The following TJP3 variants were observed in gnomAD, a reference collection of about 807,000 sequenced individuals.
TJP3 encodes tight junction protein ZO-3.
TJP3 carries 85 observed loss-of-function variants against 104.2 expected under a neutral mutation model. The ratio of observed to expected loss-of-function variants is 0.82; its 90% CI spans 0.68 to 0.98. TJP3 has a LOEUF of 0.98. TJP3 is among the 50% of genes least tolerant of loss of function. The pLI, the probability that TJP3 is intolerant of heterozygous loss-of-function variation, is 0.00. For synonymous variants in TJP3, 550 were observed against 550.6 expected (o/e 1.00, Z 0.02); for missense variants, 1,367 against 1,322.8 (o/e 1.03, Z -0.52).
intron 1 of TJP3, among the ~76,000 whole-genome samples, chr19:3,722,797 A>G (rs908341545): frequency 6.1e-5 from 8 of 132,156 alleles, no homozygotes; most frequent in Admixed American, 1.9e-4. Context: ...CCCCTCCCCA[A>G]TCGGTGTATT....
chr19:3,721,384 G>A (rs1220528325), intron 1 of TJP3, among the ~76,000 whole-genome samples: 1 of 152,202 alleles, frequency 6.6e-6, no homozygotes, highest in Non-Finnish European at 1.5e-5. Flanking sequence ...CCAGGGACCA[G>A]CGCTATGCTA....
chr19:3,724,079 AG>A (rs1411907407), intron 1 of TJP3, among the ~76,000 whole-genome samples: 1 of 152,124 alleles, frequency 6.6e-6, no homozygotes. Flanking sequence ...TGGAGGGTTT[AG>A]ACAAAGCTTC....
chr19:3,734,903 G>A (rs1056827189), intron 8 of TJP3, among the ~76,000 whole-genome samples: 19 of 152,230 alleles, frequency 1.2e-4, no homozygotes, highest in Admixed American at 8.5e-4. Context: ...GCAGTGAGCC[G>A]AGATCGTGTC....
chr19:3,737,282 T>TC (rs2036750216), intron 11 of TJP3, among the ~76,000 whole-genome samples: 1 of 137,662 alleles, frequency 7.3e-6, no homozygotes. Flanking sequence ...GGACTTTGGG[T>TC]CACAGCCTCA....
chr19:3,736,053 G>C, intron 10 of TJP3, 112 bp from the exon 11 acceptor site: 1 of 1,577,128 alleles, frequency 6.3e-7, no homozygotes, highest in Non-Finnish European at 8.7e-7. Flanking sequence ...ATTAAGTGGG[G>C]GTTTTGGGGA....
chr19:3,735,936 G>A lies in TJP3; in HGVS notation c.1127+1G>A, dbSNP rs369339267. The stretch of plus-strand genomic sequence containing the variant: ...GCAGTCAGAGCATGGAGGATCGTGG[G>A]TATGTACCCCAGAAGAAAGCAAACC... On this transcript the variant is annotated splice_donor_variant, in intron 10 of 20. Coordinates refer to ENST00000541714, the MANE Select transcript of TJP3 (RefSeq NM_001267560.2). LOFTEE classifies it high-confidence loss of function. 4.5e-5 allele frequency: 72 copies of A among 1,614,116 alleles called. No homozygotes were observed. The East Asian group carries it at 6.2e-4, about 14-fold the overall frequency.
intron 1 of TJP3, among the ~76,000 whole-genome samples, chr19:3,720,603 G>A (rs988698394): frequency 6.6e-6 from 1 of 151,980 alleles, no homozygotes; most frequent in African/African-American, 2.4e-5. Flanking sequence ...TGGGGCCCAG[G>A]CACAGCTGGG....
At chr19:3,713,000 C>T (rs1019802714) in intron 1 of TJP3, among the ~76,000 whole-genome samples, 1 of 151,842 alleles carries the variant, frequency 6.6e-6, no homozygotes, top group Non-Finnish European at 1.5e-5. Context: ...ACACCCTGAG[C>T]TGCATTCCAT....
rs1349061487 is a variant in TJP3 at position 3,731,881 on chromosome 19, C to T, written c.614-54C>T. 5 of 1,509,590 alleles carry T rather than the reference C, an allele frequency of 3.3e-6. No individual in the cohort carries two copies. In the East Asian group the frequency reaches 1.1e-4, roughly 35 times the overall value. The allele number at this position is 1,509,590 out of a possible 1,614,324, so 93.5% of individuals were successfully genotyped here. ...GGACTGCTTACAGCAGGAGAATGCT[C>T]CCAGGCACCCGTCTCCAGAGTCCTG... On this transcript the variant is annotated intron_variant, in intron 5 of 20. Coordinates refer to ENST00000541714, the MANE Select transcript of TJP3 (RefSeq NM_001267560.2).
chr19:3,740,433 G>C (rs118180414), intron 13 of TJP3, 119 bp from the exon 14 acceptor site: 14,983 of 463,950 alleles, frequency 0.032, 333 homozygotes, highest in Middle Eastern at 0.07. Context: ...CCCATCTGCA[G>C]AGTCCCTTTT....
Position 3,747,948 on chromosome 19 carries a change from AG to A in TJP3, c.2484del (p.Tyr830ThrfsTer64), listed in dbSNP as rs748320679. On this transcript the variant is annotated frameshift_variant, in exon 19 of 21. Coordinates refer to ENST00000541714, the MANE Select transcript of TJP3 (RefSeq NM_001267560.2). LOFTEE classifies it high-confidence loss of function. ...GATGGCGAGGGCTACACAGACGGCGAGGGGGGGCCCTACACGGATGTGGATG... is the reference window on the plus strand; with the variant it reads ...GATGGCGAGGGCTACACAGACGGCGAGGGGGGCCCTACACGGATGTGGATG... ...YTDGEGYTDG[E>X]GGPYTDVDDE... The A allele has an allele frequency of 2.6e-5, 42 of 1,612,972 alleles. No homozygotes were observed. Among genetic ancestry groups the A allele is most frequent in the Admixed American group, 8.3e-5 (5 of 59,990 alleles).
chr19:3,734,461 G>A, intron 8 of TJP3, 26 bp downstream of exon 8: 2 of 1,571,618 alleles, frequency 1.3e-6, no homozygotes, highest in Non-Finnish European at 1.7e-6. Flanking sequence ...CGGCCAGAAT[G>A]GTGATAGGGA....
chr19:3,735,477 G>A, intron 8 of TJP3, 89 bp from the exon 9 acceptor site: 1 of 1,312,648 alleles, frequency 7.6e-7, no homozygotes, highest in Non-Finnish European at 1.1e-6. Context: ...AGGATTACAG[G>A]CATGAACCAC....
At position 3,732,006 on chromosome 19, in the gene TJP3, C is replaced by CGT; in HGVS notation, c.687_688dup (p.Gly230ValfsTer22). On this transcript the variant is annotated frameshift_variant, in exon 6 of 21. Coordinates refer to ENST00000541714, the MANE Select transcript of TJP3 (RefSeq NM_001267560.2). LOFTEE classifies it high-confidence loss of function. ...AGATTCGGGCCTGGCTGCCCGGCAC[C>CGT]GTGGGCTGCAGGAAGGAGATCTCAT... 6.2e-7 allele frequency: 1 copy of CGT among 1,613,270 alleles called. No individual in the cohort carries two copies. The highest frequency in any genetic ancestry group is 1.1e-5 in the South Asian group (1 of 90,954).
chr19:3,727,255 G>T (rs902042495), intron 1 of TJP3, among the ~76,000 whole-genome samples: 1 of 151,916 alleles, frequency 6.6e-6, no homozygotes, highest in Non-Finnish European at 1.5e-5. Context: ...AGGCCAAGGG[G>T]GTGGATCACA....
chr19:3,735,848 A>G (rs770405918), intron 9 of TJP3, 21 bp from the exon 10 acceptor site: 1 of 1,614,016 alleles, frequency 6.2e-7, no homozygotes, highest in Admixed American at 1.7e-5. Flanking sequence ...CTTGGGAAAG[A>G]GACTGGCTTT....
intron 15 of TJP3, among the ~76,000 whole-genome samples, chr19:3,744,729 C>A (rs1251242471): frequency 6.6e-6 from 1 of 151,502 alleles, no homozygotes; most frequent in African/African-American, 2.4e-5. Flanking sequence ...GAGTTCGAGA[C>A]CAGCCTGGCC....
intron 1 of TJP3, among the ~76,000 whole-genome samples, chr19:3,710,840 C>T (rs2036427077): frequency 6.6e-6 from 1 of 152,084 alleles, no homozygotes; most frequent in East Asian, 1.9e-4. Flanking sequence ...AACAAGAGCG[C>T]AGTAATGGAG....
chr19:3,710,217 A>G (rs1418959493), intron 1 of TJP3, among the ~76,000 whole-genome samples: 1 of 150,798 alleles, frequency 6.6e-6, no homozygotes, highest in Non-Finnish European at 1.5e-5. Context: ...TGAGTGCCGG[A>G]TGTAATAAAG....
Sources: gnomAD v4.1 joint callset for allele counts (sites outside exome capture counted in the v4.1 genomes callset) on GRCh38, gnomAD v4.1.1 for gene constraint, MANE v1.5 for transcripts, NCBI Gene and HGNC (gene_info 2026-07-23, HGNC 2026-07-21) for gene names.